LPP: variants seen among roughly 807,000 people sequenced by gnomAD.
LPP encodes the protein LIM domain containing preferred translocation partner in lipoma.
A neutral mutation model predicts 60.4 loss-of-function variants in LPP; 38 were observed. The ratio of observed to expected loss-of-function variants is 0.63; its 90% CI spans 0.49 to 0.83. LPP has a LOEUF of 0.83. LPP is among the 40% of genes least tolerant of loss of function. The pLI is 0.00. For missense variants in LPP, 902 were observed against 783.6 expected (o/e 1.15, Z -1.80); for synonymous variants, 328 against 290.8 (o/e 1.13, Z -1.30).
chr3:188,169,353 A>C (rs1346916017), intron 1 of LPP, among the ~76,000 whole-genome samples: 1 of 152,204 alleles, frequency 6.6e-6, no homozygotes, highest in African/African-American at 2.4e-5. Flanking sequence ...TGTGTAAGGC[A>C]CTTAGCTGAG....
At chr3:188,809,241 T>A (rs1750125878) in intron 9 of LPP, among the ~76,000 whole-genome samples, 1 of 152,206 alleles carries the variant, frequency 6.6e-6, no homozygotes, top group Non-Finnish European at 1.5e-5. Context: ...TGGTTCTAGA[T>A]CCTTGAGGAA....
chr3:188,580,242 T>TA lies in LPP; in HGVS notation c.430-28908dup, dbSNP rs796671194. 9.4e-4 allele frequency among the ~76,000 whole-genome samples: 137 copies of TA among 146,486 alleles called. 2 individuals carry two copies. Among genetic ancestry groups the TA allele is most frequent in the African/African-American group, 2.1e-3 (83 of 40,294 alleles). ...TTTCTCAATAGAATTGTTTCTCAAT[T>TA]AAAAAAAAAAACTTACTCAAAACAT... On this transcript the variant is annotated intron_variant, in intron 6 of 11. Transcript: ENST00000617246.
intron 9 of LPP, among the ~76,000 whole-genome samples, chr3:188,847,704 A>G (rs182357661): frequency 8.9e-4 from 136 of 152,338 alleles, no homozygotes; most frequent in Admixed American, 2.0e-3. Context: ...TGTTCTTGAA[A>G]CCAGAAAAAC....
chr3:188,732,192 T>C (rs997019731), intron 8 of LPP, among the ~76,000 whole-genome samples: 1 of 152,188 alleles, frequency 6.6e-6, no homozygotes, highest in African/African-American at 2.4e-5. Context: ...GTCAAAGCAA[T>C]AGGTTCTTCC....
chr3:188,280,691 C>T (rs1175909467), intron 2 of LPP, among the ~76,000 whole-genome samples: 2 of 151,924 alleles, frequency 1.3e-5, no homozygotes, highest in Non-Finnish European at 2.9e-5. Context: ...GTAGTGTTCA[C>T]CAAGAGCCAG....
chr3:188,485,692 G>A (rs1806200267), intron 5 of LPP, among the ~76,000 whole-genome samples: 1 of 150,416 alleles, frequency 6.6e-6, no homozygotes. Context: ...AGCTACTTGG[G>A]AGGCTGAGGC....
chr3:188,411,366 G>A (rs946707972), intron 4 of LPP, among the ~76,000 whole-genome samples: 1 of 152,074 alleles, frequency 6.6e-6, no homozygotes, highest in Non-Finnish European at 1.5e-5. Flanking sequence ...ATTCACTAAA[G>A]AACGAAAGTA....
At chr3:188,363,202 A>G (rs568703991) in intron 3 of LPP, among the ~76,000 whole-genome samples, 1 of 152,154 alleles carries the variant, frequency 6.6e-6, no homozygotes, top group Non-Finnish European at 1.5e-5. Flanking sequence ...CTCTTTCACC[A>G]TTCAAGCTTT....
chr3:188,466,778 G>T (rs1281641916), intron 4 of LPP, among the ~76,000 whole-genome samples: 2 of 117,162 alleles, frequency 1.7e-5, no homozygotes, highest in African/African-American at 6.3e-5. Flanking sequence ...AAATATACTT[G>T]AAAAAAGTGG....
chr3:188,298,201 T>C (rs1257593360), intron 2 of LPP, among the ~76,000 whole-genome samples: 1 of 152,210 alleles, frequency 6.6e-6, no homozygotes, highest in African/African-American at 2.4e-5. Context: ...GATACGATCC[T>C]AATAGGATCC....
intron 6 of LPP, among the ~76,000 whole-genome samples, chr3:188,530,956 G>A (rs921510569): frequency 7.2e-5 from 11 of 152,276 alleles, no homozygotes; most frequent in Admixed American, 3.3e-4. Flanking sequence ...GATCAATCAT[G>A]AACTAATGAC....
intron 3 of LPP, among the ~76,000 whole-genome samples, chr3:188,346,277 T>TTTTTTG (rs1764348164): frequency 6.9e-6 from 1 of 145,636 alleles, no homozygotes; most frequent in African/African-American, 2.6e-5. Context: ...TTTTTTTTTT[T>TTTTTTG]GAGACGGAGT....
intron 9 of LPP, among the ~76,000 whole-genome samples, chr3:188,784,653 T>C (rs1216845590): frequency 1.2e-4 from 1 of 8,404 alleles, no homozygotes; most frequent in African/African-American, 6.0e-4. Flanking sequence ...ATATATATAT[T>C]CCATCATATA....
intron 2 of LPP, among the ~76,000 whole-genome samples, chr3:188,335,341 G>A (rs1223359962): frequency 6.6e-6 from 1 of 152,056 alleles, no homozygotes; most frequent in Middle Eastern, 3.2e-3. Context: ...ACGTTTATTG[G>A]TTTACCTGTG....
At chr3:188,853,201 A>G (rs1056711653) in intron 9 of LPP, among the ~76,000 whole-genome samples, 6 of 152,166 alleles carry the variant, frequency 3.9e-5, no homozygotes, top group African/African-American at 1.2e-4. Flanking sequence ...CTGCTATGAC[A>G]TTCTCTTGGC....
At chr3:188,782,009 AC>A in intron 9 of LPP, among the ~76,000 whole-genome samples, 1 of 152,158 alleles carries the variant, frequency 6.6e-6, no homozygotes, top group East Asian at 1.9e-4. Flanking sequence ...GGGTGGGGAC[AC>A]AGCCAAACCA....
intron 8 of LPP, among the ~76,000 whole-genome samples, chr3:188,747,285 C>A (rs1359424527): frequency 6.6e-6 from 1 of 152,100 alleles, no homozygotes; most frequent in East Asian, 1.9e-4. Context: ...TTGCTGTGTT[C>A]TTATTATAAA....
At chr3:188,871,216 T>C (rs1768008412) in intron 10 of LPP, among the ~76,000 whole-genome samples, 1 of 152,146 alleles carries the variant, frequency 6.6e-6, no homozygotes, top group Admixed American at 6.5e-5. Flanking sequence ...CCCACAGAGT[T>C]TGGGGAAAGG....
intron 6 of LPP, among the ~76,000 whole-genome samples, chr3:188,536,645 G>A (rs1180315881): frequency 1.3e-5 from 2 of 152,040 alleles, no homozygotes; most frequent in Non-Finnish European, 2.9e-5. Flanking sequence ...GGTAAACAGT[G>A]GATCCATTAA....
Sources: allele counts gnomAD v4.1 joint callset (sites outside exome capture counted in the v4.1 genomes callset), GRCh38; gene constraint gnomAD v4.1.1; transcripts MANE v1.5; gene names NCBI Gene and HGNC (gene_info 2026-07-23, HGNC 2026-07-21).